CUX1: variants seen among roughly 807,000 people sequenced by gnomAD.
CUX1 encodes the protein protein CASP.
Under a neutral mutation model 158.8 loss-of-function variants are expected in CUX1, and 31 were observed. The observed-to-expected ratio is 0.20, with a 90% CI of 0.15 to 0.26. CUX1 has a LOEUF of 0.26. Ranked by LOEUF, CUX1 falls within the 10% of genes least tolerant of loss-of-function variation. The probability of loss-of-function intolerance (pLI) is 1.00; values close to 1 mark genes in which losing one functional copy is unlikely to be tolerated. For synonymous variants in CUX1, 879 were observed against 862.1 expected, an observed-to-expected ratio of 1.02 and a Z score of -0.34; for missense variants, 1,589 against 2,014.6, an observed-to-expected ratio of 0.79 and a Z score of 4.04.
intron 22 of CUX1, among the ~76,000 whole-genome samples, chr7:102,237,154 G>C (rs782712618): frequency 5.3e-5 from 8 of 152,212 alleles, no homozygotes; most frequent in Non-Finnish European, 8.8e-5. Flanking sequence ...CTATGGGGAA[G>C]ATTTACCTTC....
At chr7:102,181,991 A>G (rs1793136045) in intron 11 of CUX1, among the ~76,000 whole-genome samples, 1 of 152,200 alleles carries the variant, frequency 6.6e-6, no homozygotes, top group African/African-American at 2.4e-5. Flanking sequence ...TGGCTACTCA[A>G]AGAACTCACC....
intron 1 of CUX1, among the ~76,000 whole-genome samples, chr7:101,883,467 T>G (rs1056730839): frequency 2.6e-5 from 4 of 152,198 alleles, no homozygotes; most frequent in African/African-American, 9.7e-5. Context: ...TTAGCCAATG[T>G]TACAGATCCC....
intron 1 of CUX1, among the ~76,000 whole-genome samples, chr7:101,898,995 G>A (rs1159335710): frequency 6.6e-6 from 1 of 152,236 alleles, no homozygotes; most frequent in African/African-American, 2.4e-5. Flanking sequence ...TCCACTGGCG[G>A]CTATTTGTGC....
At chr7:101,948,395 A>G (rs1465138524) in intron 2 of CUX1, among the ~76,000 whole-genome samples, 3 of 151,874 alleles carry the variant, frequency 2.0e-5, no homozygotes, top group Non-Finnish European at 2.9e-5. Flanking sequence ...TGTGCCCTAG[A>G]TCCACTTTAG....
intron 2 of CUX1, among the ~76,000 whole-genome samples, chr7:101,997,862 T>C (rs898135449): frequency 6.6e-6 from 1 of 151,136 alleles, no homozygotes; most frequent in Non-Finnish European, 1.5e-5. Flanking sequence ...CACTGTTGGA[T>C]AAGAGGTTGA....
intron 3 of CUX1, among the ~76,000 whole-genome samples, chr7:102,030,691 G>GTTTTTTTTTTTTTTTTTTTGTTTTTTGTT (rs71119801): frequency 1.7e-5 from 2 of 119,404 alleles, no homozygotes; most frequent in African/African-American, 3.1e-5. Flanking sequence ...TTTAAAAAGT[G>GTTTTTTTTTTTTTTTTTTTGTTTTTTGTT]TTTTTTTTTT....
At chr7:102,051,990 T>A (rs938666632) in intron 3 of CUX1, among the ~76,000 whole-genome samples, 1 of 152,010 alleles carries the variant, frequency 6.6e-6, no homozygotes, top group Non-Finnish European at 1.5e-5. Flanking sequence ...GTCAGGCAGG[T>A]CACTTGAGGT....
intron 12 of CUX1, among the ~76,000 whole-genome samples, chr7:102,192,013 G>A (rs782335693): frequency 6.6e-6 from 1 of 152,204 alleles, no homozygotes; most frequent in Non-Finnish European, 1.5e-5. Flanking sequence ...GCACATGACA[G>A]GCCCCACCAC....
chr7:102,032,616 C>T (rs1467787012), intron 3 of CUX1, among the ~76,000 whole-genome samples: 3 of 151,984 alleles, frequency 2.0e-5, no homozygotes, highest in African/African-American at 7.2e-5. Context: ...TTGCAGTGAG[C>T]CAAGCACTCT....
chr7:102,018,760 TA>T (rs1818984807), intron 2 of CUX1, among the ~76,000 whole-genome samples: 1 of 151,998 alleles, frequency 6.6e-6, no homozygotes, highest in Non-Finnish European at 1.5e-5. Flanking sequence ...GCGTGCGCTG[TA>T]TCTCTCAGTA....
At chr7:102,148,692 T>C (rs1031666847) in intron 8 of CUX1, among the ~76,000 whole-genome samples, 16 of 147,948 alleles carry the variant, frequency 1.1e-4, no homozygotes, top group Non-Finnish European at 1.8e-4. Context: ...ATGTATGTGT[T>C]ATATATATAT....
chr7:102,201,337 C>G lies in CUX1; in HGVS notation c.2063-23C>G, dbSNP rs1344002256. 2.5e-6 allele frequency: 4 copies of G among 1,605,632 alleles called. No homozygotes were observed. Among genetic ancestry groups the G allele is most frequent in the African/African-American group, 2.7e-5 (2 of 74,852 alleles). Reference sequence around the variant, plus strand: ...CTGAAGGGGGCCGCCCTGCCACACTCTCACCCCTGTTTCTCCATGCAGCAG... The same window carrying G: ...CTGAAGGGGGCCGCCCTGCCACACTGTCACCCCTGTTTCTCCATGCAGCAG... On this transcript the variant is annotated intron_variant, in intron 17 of 23. Coordinates refer to ENST00000292535, the MANE Select transcript of CUX1 (RefSeq NM_181552.4). This position sits in a 1 kb window ranked among gnomAD's most constrained non-coding sequence, Gnocchi z 5.0.
intron 2 of CUX1, among the ~76,000 whole-genome samples, chr7:101,988,703 G>A (rs1244711887): frequency 1.3e-5 from 2 of 152,054 alleles, no homozygotes; most frequent in Non-Finnish European, 1.5e-5. Flanking sequence ...ACAGAGTCCT[G>A]CGTCGGGATA....
At chr7:101,828,200 C>T (rs145634574) in intron 1 of CUX1, among the ~76,000 whole-genome samples, 116 of 152,016 alleles carry the variant, frequency 7.6e-4, no homozygotes, top group African/African-American at 2.6e-3. Flanking sequence ...GAATTCCTGA[C>T]CTCAGATGAT....
At chr7:102,016,865 G>A (rs1452967772) in intron 2 of CUX1, among the ~76,000 whole-genome samples, 1 of 152,192 alleles carries the variant, frequency 6.6e-6, no homozygotes, top group South Asian at 2.1e-4. Context: ...AATATTAGCA[G>A]GGCCTAAGAT....
chr7:101,868,826 TG>T (rs145555111), intron 1 of CUX1, among the ~76,000 whole-genome samples: 1,717 of 151,762 alleles, frequency 0.011, 33 homozygotes, highest in African/African-American at 0.04. Context: ...CCATTTGTCG[TG>T]GGGGGATGGG....
At chr7:101,889,258 C>CAAA (rs55853593) in intron 1 of CUX1, among the ~76,000 whole-genome samples, 20,339 of 112,290 alleles carry the variant, frequency 0.18, 2,825 homozygotes, top group East Asian at 0.77. Context: ...GACCCTGTCT[C>CAAA]AAAAAAAAAA....
In CUX1 at chr7:102,257,826, A is replaced by G; in HGVS notation, c.*8784A>G. ...AGCTTGTTTGTTCATCCTCACAATC[A>G]CAGATTTTTTTCTCCAATCCTCACA... On this transcript the variant is annotated 3_prime_UTR_variant, in exon 24 of 24. Coordinates refer to ENST00000292535, the MANE Select transcript of CUX1 (RefSeq NM_181552.4). 1 of 983,750 alleles carries G rather than the reference A, an allele frequency of 1.0e-6. No individual in the cohort carries two copies. Among genetic ancestry groups the G allele is most frequent in the African/African-American group, 1.8e-5 (1 of 56,766 alleles). 60.9% of individuals were successfully genotyped at this position (983,750 alleles called of 1,614,324 possible).
chr7:102,075,728 A>T (rs1826635226), intron 4 of CUX1, among the ~76,000 whole-genome samples: 2 of 152,232 alleles, frequency 1.3e-5, no homozygotes, highest in Admixed American at 6.5e-5. Flanking sequence ...TTGCAGGAGA[A>T]CAGAATGTAT....
Sources: allele counts gnomAD v4.1 joint callset (sites outside exome capture counted in the v4.1 genomes callset), GRCh38; gene constraint gnomAD v4.1.1; non-coding constraint Gnocchi (gnomAD v3.1); transcripts MANE v1.5; gene names NCBI Gene and HGNC (gene_info 2026-07-23, HGNC 2026-07-21).